The following PCLO variants were observed in gnomAD, a reference collection of about 807,000 sequenced individuals.
The protein encoded by PCLO is protein piccolo.
Under a neutral mutation model 427.5 loss-of-function variants are expected in PCLO, and 82 were observed. That is an observed-to-expected ratio of 0.19 (90% CI 0.16 to 0.23). The LOEUF (loss-of-function observed/expected upper bound fraction) is 0.23. PCLO is among the 10% of genes least tolerant of loss of function. The pLI is 1.00. For missense variants in PCLO, 6,239 were observed against 6,115.9 expected (o/e 1.02, Z -0.67); for synonymous variants, 2,357 against 2,155.4 (o/e 1.09, Z -2.59).
intron 22 of PCLO, among the ~76,000 whole-genome samples, chr7:82,774,339 T>C (rs1251633541): frequency 6.6e-6 from 1 of 152,200 alleles, no homozygotes; most frequent in African/African-American, 2.4e-5. Context: ...ATGCCACTTT[T>C]GGTTCTCACG....
chr7:82,783,109 G>C (rs1224836908), intron 22 of PCLO, among the ~76,000 whole-genome samples: 2 of 152,186 alleles, frequency 1.3e-5, no homozygotes, highest in African/African-American at 4.8e-5. Flanking sequence ...CCTGAGAAAA[G>C]GCCAACTTTC....
intron 22 of PCLO, among the ~76,000 whole-genome samples, chr7:82,778,339 C>A (rs979073847): frequency 4.6e-5 from 7 of 152,126 alleles, no homozygotes; most frequent in African/African-American, 1.7e-4. Flanking sequence ...AGTTCAACCA[C>A]TGTGGAAAGC....
intron 3 of PCLO, among the ~76,000 whole-genome samples, chr7:83,089,738 C>G (rs1790331094): frequency 6.6e-6 from 1 of 152,114 alleles, no homozygotes; most frequent in South Asian, 2.1e-4. Flanking sequence ...AGGCAGGCAG[C>G]TTCTGCACTA....
intron 14 of PCLO, among the ~76,000 whole-genome samples, chr7:82,838,668 T>C (rs906504377): frequency 3.3e-5 from 5 of 151,964 alleles, no homozygotes; most frequent in Non-Finnish European, 7.4e-5. Flanking sequence ...TAGTAAATGT[T>C]GTTAATGTTT....
intron 7 of PCLO, among the ~76,000 whole-genome samples, chr7:82,912,289 G>C (rs1001181175): frequency 6.6e-6 from 1 of 151,648 alleles, no homozygotes; most frequent in African/African-American, 2.4e-5. Context: ...GAAAAAAGTA[G>C]TTTCTTCTAT....
intron 8 of PCLO, 147 bp downstream of exon 8, chr7:82,908,728 CTG>C (rs1794250951): frequency 1.5e-6 from 1 of 653,256 alleles, no homozygotes; most frequent in Non-Finnish European, 2.6e-6. Flanking sequence ...ATGAAGTGAG[CTG>C]TGTTACTCCT....
intron 3 of PCLO, among the ~76,000 whole-genome samples, chr7:83,133,331 C>T (rs530527583): frequency 2.0e-5 from 3 of 151,828 alleles, no homozygotes; most frequent in African/African-American, 7.2e-5. Context: ...AACCTTGGAA[C>T]AATTATTCAG....
intron 6 of PCLO, among the ~76,000 whole-genome samples, chr7:82,940,201 C>T (rs984891285): frequency 1.8e-4 from 28 of 152,156 alleles, no homozygotes; most frequent in African/African-American, 5.1e-4. Context: ...TTTATAGGCT[C>T]GACTCCTGCC....
chr7:82,916,986 C>T lies in PCLO; in HGVS notation c.11113-113G>A, dbSNP rs187183176. ...GATTTCATGTATGATTTTGCTATCGCAGCATGATAAAATAAAATATATGCA... is the reference window on the plus strand; with the variant it reads ...GATTTCATGTATGATTTTGCTATCGTAGCATGATAAAATAAAATATATGCA... On this transcript the variant is annotated intron_variant, in intron 6 of 24. Transcript: ENST00000333891. The T allele has an allele frequency of 4.7e-4, 329 of 693,680 alleles. 3 individuals carry two copies. The African/African-American group carries it at 5.3e-3, about 11-fold the overall frequency. The allele number at this position is 693,680 out of a possible 1,614,324, so 43.0% of individuals were successfully genotyped here.
Position 82,967,355 on chromosome 7 carries a change from A to G in PCLO, c.3301-868T>C, listed in dbSNP as rs1795803149. Among the ~76,000 whole-genome samples the G allele has an allele frequency of 2.0e-5, 3 of 151,662 alleles. No homozygotes were observed. In the South Asian group the frequency reaches 6.2e-4, roughly 32 times the overall value. On this transcript the variant is annotated intron_variant, in intron 3 of 24. Transcript: ENST00000333891. ...CATGCCCGGCTAATTTTTTATTTTTAGTAGAGATGGGGTTTCTCCATGTTG... is the reference window on the plus strand; with the variant it reads ...CATGCCCGGCTAATTTTTTATTTTTGGTAGAGATGGGGTTTCTCCATGTTG...
intron 3 of PCLO, among the ~76,000 whole-genome samples, chr7:83,070,925 T>C (rs10232495): frequency 0.024 from 3,719 of 152,252 alleles, 157 homozygotes; most frequent in African/African-American, 0.085. Flanking sequence ...TTATCACCAT[T>C]CTACTCATCT....
intron 3 of PCLO, among the ~76,000 whole-genome samples, chr7:82,990,856 T>A (rs989042570): frequency 6.6e-6 from 1 of 151,916 alleles, no homozygotes; most frequent in African/African-American, 2.4e-5. Context: ...AATAGGCAAA[T>A]AAGATCACCC....
At chr7:82,820,914 A>T in intron 20 of PCLO, 4 of 1,229,930 alleles carry the variant, frequency 3.3e-6, no homozygotes, top group Non-Finnish European at 4.1e-6. Context: ...AAAAATACAA[A>T]TCACTGTAGT....
rs569074052 is a variant in PCLO, at chr7:83,091,446, G to T, written c.3300+42804C>A. Among the ~76,000 whole-genome samples, 14 of 152,154 alleles carry T rather than the reference G, an allele frequency of 9.2e-5. No individual in the cohort carries two copies. In the East Asian group the frequency reaches 2.5e-3, roughly 27 times the overall value. On this transcript the variant is annotated intron_variant, in intron 3 of 24. Coordinates refer to ENST00000333891, the MANE Select transcript of PCLO (RefSeq NM_033026.6). ...AATAAAGTTTTTTCCCCAGTACTTT[G>T]CCACTTCTATAAAGACTTAGCAGAA...
At chr7:83,013,958 TC>T (rs1788147602) in intron 3 of PCLO, among the ~76,000 whole-genome samples, 1 of 152,166 alleles carries the variant, frequency 6.6e-6, no homozygotes, top group South Asian at 2.1e-4. Context: ...GAATAGCAAT[TC>T]TTTAAAAAAT....
intron 3 of PCLO, among the ~76,000 whole-genome samples, chr7:83,088,213 T>A (rs1286867473): frequency 6.6e-6 from 1 of 152,138 alleles, no homozygotes; most frequent in Non-Finnish European, 1.5e-5. Flanking sequence ...CTATGGAACT[T>A]ACCAAGTACA....
chr7:82,970,491 T>A (rs1259794008), intron 3 of PCLO, among the ~76,000 whole-genome samples: 1 of 151,914 alleles, frequency 6.6e-6, no homozygotes, highest in African/African-American at 2.4e-5. Flanking sequence ...GTTTGAAACA[T>A]AAGGAATTTG....
chr7:82,896,711 T>C (rs954450137), intron 9 of PCLO, among the ~76,000 whole-genome samples: 11 of 123,698 alleles, frequency 8.9e-5, no homozygotes, highest in Admixed American at 2.5e-4. Flanking sequence ...ATAGCTCTAC[T>C]ACTGCCAACT....
intron 6 of PCLO, among the ~76,000 whole-genome samples, chr7:82,930,232 C>T (rs904466533): frequency 6.6e-6 from 1 of 152,036 alleles, no homozygotes; most frequent in African/African-American, 2.4e-5. Context: ...TAAATGAAAA[C>T]ACAAGTACAC....
Sources: allele counts gnomAD v4.1 joint callset (sites outside exome capture counted in the v4.1 genomes callset), GRCh38; gene constraint gnomAD v4.1.1; transcripts MANE v1.5; gene names NCBI Gene and HGNC (gene_info 2026-07-23, HGNC 2026-07-21).